Variants in MAST4 observed in about 807,000 individuals in gnomAD.
MAST4 encodes microtubule associated serine/threonine kinase family member 4, also known as microtubule-associated serine/threonine-protein kinase 4.
In MAST4, 89 loss-of-function variants were observed where a neutral mutation model predicts 162.7. That is an observed-to-expected ratio of 0.55 (90% CI 0.46 to 0.65). The LOEUF (loss-of-function observed/expected upper bound fraction) is 0.65. MAST4 is among the 30% of genes least tolerant of loss of function. The pLI is 0.00. For synonymous variants in MAST4, 1,479 were observed against 1,361.1 expected, an observed-to-expected ratio of 1.09 and a Z score of -1.91; for missense variants, 3,153 against 3,374.0, an observed-to-expected ratio of 0.93 and a Z score of 1.62.
At chr5:67,078,941 T>TA (rs1554093969) in intron 5 of MAST4, among the ~76,000 whole-genome samples, 2 of 97,394 alleles carry the variant, frequency 2.1e-5, no homozygotes, top group South Asian at 2.9e-4. Flanking sequence ...TATATATATA[T>TA]ATATATATAT....
At position 66,863,799 on chromosome 5, in the gene MAST4, A is replaced by C. The variant is rs1043918470; in HGVS notation, c.643-36152A>C. On this transcript the variant is annotated intron_variant, in intron 3 of 28. Transcript: ENST00000403625. ...TTAGCACTGGATGGCTGAATGCTTT[A>C]CTGAAAAAAGAAGGGCACCTGTCAG... 3.3e-5 allele frequency among the ~76,000 whole-genome samples: 5 copies of C among 152,130 alleles called. No homozygotes were observed. In the South Asian group the frequency reaches 1.0e-3, roughly 31 times the overall value.
chr5:66,766,346 C>A (rs908720127), intron 2 of MAST4, among the ~76,000 whole-genome samples: 1 of 152,004 alleles, frequency 6.6e-6, no homozygotes, highest in Non-Finnish European at 1.5e-5. Flanking sequence ...ATGTGTATAA[C>A]ATGCACATAA....
Position 66,910,083 on chromosome 5 carries a change from A to G in MAST4, c.674+10101A>G, listed in dbSNP as rs140181889. Among the ~76,000 whole-genome samples, 243 of 152,276 alleles carry G rather than the reference A, an allele frequency of 1.6e-3. 1 individual carries two copies. The highest frequency in any genetic ancestry group is 5.6e-3 in the African/African-American group (234 of 41,554). On this transcript the variant is annotated intron_variant, in intron 4 of 28. Transcript: ENST00000403625. ...TAATACAGGTATGTTTTGTTTTATA[A>G]AAAAATGTGAGCATCAACACCCACA...
chr5:66,633,798 G>C (rs1205486153), intron 1 of MAST4, among the ~76,000 whole-genome samples: 1 of 151,978 alleles, frequency 6.6e-6, no homozygotes, highest in East Asian at 1.9e-4. Flanking sequence ...AAAATTTGTT[G>C]CTGGACCAGT....
chr5:67,163,688 G>A lies in MAST4; in HGVS notation c.4509G>A (p.Arg1503=), dbSNP rs762260210. The change falls in exon 29 of 29, where the codon CGG becomes CGA. Residue 1503 remains arginine, a synonymous_variant. Transcript: ENST00000403625. This position sits in a 1 kb window ranked among gnomAD's most constrained non-coding sequence, Gnocchi z 7.0. ...ACGTGCCGCCGCTCAGCCGCGCCCG[G>A]CCAGTGGAGCAAGGCTGCCTGAAAC... ...VCDVPPLSRA[R]PVEQGCLKRP... The A allele has an allele frequency of 3.1e-6, 5 of 1,608,928 alleles. No homozygotes were observed. The highest frequency in any genetic ancestry group is 1.7e-5 in the Admixed American group (1 of 59,318).
chr5:66,758,480 A>G (rs1341395945), intron 1 of MAST4, among the ~76,000 whole-genome samples: 2 of 152,000 alleles, frequency 1.3e-5, no homozygotes, highest in African/African-American at 2.4e-5. Flanking sequence ...GCAGTGCTGC[A>G]GTCATGGCTC....
chr5:66,912,279 A>G (rs980089564), intron 4 of MAST4, among the ~76,000 whole-genome samples: 2 of 152,170 alleles, frequency 1.3e-5, no homozygotes, highest in Admixed American at 1.3e-4. Flanking sequence ...GGCAATAAAC[A>G]TTCAAGTTTG....
At chr5:66,934,688 A>C (rs760478102) in intron 4 of MAST4, among the ~76,000 whole-genome samples, 1 of 151,886 alleles carries the variant, frequency 6.6e-6, no homozygotes, top group Non-Finnish European at 1.5e-5. Flanking sequence ...TAAGCTTTGC[A>C]TTTTTTGGTA....
At chr5:66,635,048 A>G (rs1222821481) in intron 1 of MAST4, among the ~76,000 whole-genome samples, 1 of 152,200 alleles carries the variant, frequency 6.6e-6, no homozygotes, top group Non-Finnish European at 1.5e-5. Flanking sequence ...CAAGTGAGAG[A>G]GGTCTACAGC....
chr5:66,603,508 T>C (rs1742678999), intron 1 of MAST4, among the ~76,000 whole-genome samples: 1 of 152,158 alleles, frequency 6.6e-6, no homozygotes, highest in East Asian at 1.9e-4. Context: ...ATCAGGTGAT[T>C]ATCTGGAAGT....
Position 67,111,167 on chromosome 5 carries a change from A to C in MAST4, c.1458+968A>C, listed in dbSNP as rs916892029. On this transcript the variant is annotated intron_variant, in intron 11 of 28. Coordinates refer to ENST00000403625, the MANE Select transcript of MAST4 (RefSeq NM_001164664.2). ...ATATTTGTCTGTGAACATTATAATT[A>C]TTTTAAGGATCTAGTAATATAGCAT... Among the ~76,000 whole-genome samples, 7 of 152,358 alleles carry C rather than the reference A, an allele frequency of 4.6e-5. No individual in the cohort carries two copies. The East Asian group carries it at 1.2e-3, about 25-fold the overall frequency.
intron 1 of MAST4, among the ~76,000 whole-genome samples, chr5:66,696,756 T>C (rs903503321): frequency 2.6e-5 from 4 of 152,308 alleles, no homozygotes; most frequent in African/African-American, 7.2e-5. Context: ...CATTTTTTTT[T>C]TTACTGCATT....
At chr5:66,740,417 G>T (rs887886336) in intron 1 of MAST4, among the ~76,000 whole-genome samples, 1 of 152,174 alleles carries the variant, frequency 6.6e-6, no homozygotes, top group African/African-American at 2.4e-5. Flanking sequence ...GGAATGCACA[G>T]GTCCACATGG....
intron 1 of MAST4, among the ~76,000 whole-genome samples, chr5:66,600,380 C>A (rs912376637): frequency 1.3e-5 from 2 of 152,228 alleles, no homozygotes; most frequent in Non-Finnish European, 2.9e-5. Flanking sequence ...CTGACAACAT[C>A]TCTGAGATTT....
At position 66,910,741 on chromosome 5, in the gene MAST4, C is replaced by CTTTTTTTT. The variant is rs1176127841; in HGVS notation, c.674+10765_674+10772dup. 7.3e-3 allele frequency among the ~76,000 whole-genome samples: 146 copies of CTTTTTTTT among 20,096 alleles called. 8 individuals are homozygous for CTTTTTTTT. Among genetic ancestry groups the CTTTTTTTT allele is most frequent in the African/African-American group, 0.016 (138 of 8,698 alleles). 13.2% of individuals were successfully genotyped at this position (20,096 alleles called of 152,430 possible). On this transcript the variant is annotated intron_variant, in intron 4 of 28. Transcript: ENST00000403625. The stretch of plus-strand genomic sequence containing the variant: ...GAATACACATGTGGTTTTTTTTTTT[C>CTTTTTTTT]TTTTTTTTTTTTTCTTTTTTTTTTT...
chr5:66,687,659 T>G (rs62359993), intron 1 of MAST4, among the ~76,000 whole-genome samples: 29,601 of 149,462 alleles, frequency 0.2, 3,280 homozygotes, highest in Admixed American at 0.31. Context: ...TATCTATCTA[T>G]CTATCTATCT....
At chr5:66,657,588 A>G (rs1746634881) in intron 1 of MAST4, among the ~76,000 whole-genome samples, 1 of 152,250 alleles carries the variant, frequency 6.6e-6, no homozygotes. Flanking sequence ...TCCTGTATAC[A>G]TTTCCAGTTA....
intron 2 of MAST4, among the ~76,000 whole-genome samples, chr5:66,767,385 AGACAT>A (rs1754149629): frequency 6.6e-6 from 1 of 152,168 alleles, no homozygotes; most frequent in South Asian, 2.1e-4. Context: ...ATGCCCGATA[AGACAT>A]GATAAATAGG....
At chr5:66,991,800 C>G (rs1236227814) in intron 4 of MAST4, among the ~76,000 whole-genome samples, 3 of 152,298 alleles carry the variant, frequency 2.0e-5, no homozygotes, top group Non-Finnish European at 4.4e-5. Context: ...TATCTTTTAG[C>G]CCCAGGCAGT....
Sources: gnomAD v4.1 joint callset for allele counts (sites outside exome capture counted in the v4.1 genomes callset) on GRCh38, gnomAD v4.1.1 for gene constraint, Gnocchi (gnomAD v3.1) non-coding constraint, MANE v1.5 for transcripts, NCBI Gene and HGNC (gene_info 2026-07-23, HGNC 2026-07-21) for gene names.